Variants in ATXN2L observed in about 807,000 individuals in gnomAD.
ATXN2L encodes ataxin 2 like, also known as ataxin-2-like protein.
ATXN2L carries 24 observed loss-of-function variants against 120.7 expected under a neutral mutation model. The ratio of observed to expected loss-of-function variants is 0.20; its 90% CI spans 0.14 to 0.28. The LOEUF (loss-of-function observed/expected upper bound fraction) is 0.28, where lower values mean the gene tolerates loss of function less well. Ranked by LOEUF, ATXN2L falls within the 10% of genes least tolerant of loss-of-function variation. ATXN2L has a pLI of 1.00. For synonymous variants in ATXN2L, 653 were observed against 568.1 expected, an observed-to-expected ratio of 1.15 and a Z score of -2.13; for missense variants, 1,312 against 1,432.3, an observed-to-expected ratio of 0.92 and a Z score of 1.36.
intron 6 of ATXN2L, among the ~76,000 whole-genome samples, 200 bp downstream of exon 6, chr16:28,827,186 C>G (rs963220297): frequency 6.6e-6 from 1 of 152,206 alleles, no homozygotes; most frequent in African/African-American, 2.4e-5. Flanking sequence ...GTAATCCCAG[C>G]ACTTTGGGAG....
chr16:28,829,974 A>G lies in ATXN2L; in HGVS notation c.950A>G (p.Asn317Ser). Residue 317 changes from asparagine to serine, a missense_variant, in exon 8 of 22, where the codon AAC becomes AGC. By Grantham distance (46) the Asn-to-Ser change is conservative (BLOSUM62 1). Coordinates refer to ENST00000336783, the MANE Select transcript of ATXN2L (RefSeq NM_007245.4). ...TACCGCCTACGGATCGCCATGGAGA[A>G]CGACGATGGGCGCACTGAAGAGGAG... The part of the protein sequence containing the change: ...PQYRLRIAME[N>S]DDGRTEEEKH... The G allele has an allele frequency of 1.9e-6, 3 of 1,614,206 alleles. No homozygotes were observed. The highest frequency in any genetic ancestry group is 2.5e-6 in the Non-Finnish European group (3 of 1,180,038).
Position 28,835,299 on chromosome 16 carries a change from C to A in ATXN2L, c.2585C>A (p.Pro862Gln). 6.2e-7 allele frequency: 1 copy of A among 1,613,874 alleles called. No individual in the cohort carries two copies. The highest frequency in any genetic ancestry group is 8.5e-7 in the Non-Finnish European group (1 of 1,179,982). The part of the protein sequence containing the change: ...ALYATVHQSY[P>Q]HHATQLHAHQ... ...GCAGCCACTGTTCACCAGTCCTACCCACACCATGCCACACAGCTCCATGCC... is the reference window on the plus strand; with the variant it reads ...GCAGCCACTGTTCACCAGTCCTACCAACACCATGCCACACAGCTCCATGCC... Residue 862 changes from proline (P) to glutamine (Q), a missense_variant, in exon 20 of 22, where the codon CCA becomes CAA. Coordinates refer to ENST00000336783, the MANE Select transcript of ATXN2L (RefSeq NM_007245.4).
rs1041603787 is a variant in ATXN2L at position 28,832,843 on chromosome 16, C to G, written c.1615C>G (p.Arg539Gly). Residue 539 changes from arginine (R) to glycine (G), a missense_variant, in exon 13 of 22, where the codon CGA becomes GGA. Coordinates refer to ENST00000336783, the MANE Select transcript of ATXN2L (RefSeq NM_007245.4). ...CCCTGGTCTTCAGAATGAACAGAAA[C>G]GATTCCAACTGGAAGAACTGAGAAA... ...KVPGLQNEQKRFQLEELRKFG... is the reference protein window; with the variant it reads ...KVPGLQNEQKGFQLEELRKFG... 6.2e-7 allele frequency: 1 copy of G among 1,614,080 alleles called. No homozygotes were observed. Among genetic ancestry groups the G allele is most frequent in the Admixed American group, 1.7e-5 (1 of 60,012 alleles).
chr16:28,828,155 C>T (rs185011307), intron 6 of ATXN2L, among the ~76,000 whole-genome samples: 5 of 152,254 alleles, frequency 3.3e-5, no homozygotes, highest in Admixed American at 2.0e-4. Context: ...TAGTACCTTG[C>T]TGGACTTTTA....
chr16:28,829,419 A>T lies in ATXN2L; in HGVS notation c.760A>T (p.Asn254Tyr). 6.2e-7 allele frequency: 1 copy of T among 1,613,176 alleles called. No individual in the cohort carries two copies. The highest frequency in any genetic ancestry group is 8.5e-7 in the Non-Finnish European group (1 of 1,179,170). Residue 254 changes from asparagine (N) to tyrosine (Y), a missense_variant, in exon 7 of 22, where the codon AAT becomes TAT. Physicochemically the swap from Asn to Tyr is moderately radical, Grantham distance 143 (BLOSUM62 -2). Transcript: ENST00000336783. ...ESDMSNGWDP[N>Y]EMFKFNEENY... ...TCCCCAGTCCAATGGATGGGACCCC[A>T]ATGAAATGTTCAAGTTCAATGAGGA... is the stretch of plus-strand genomic sequence containing the variant.
rs368508890 is a variant in ATXN2L, at chr16:28,831,046, A to G, written c.1295A>G (p.Glu432Gly). ...TCGCCCAGTAATAGGCCTTCTGGAG[A>G]AACTTCTGTTCCACCTCCTCCTGCA... ...LSSPSNRPSGETSVPPPPAVG... is the reference protein window; with the variant it reads ...LSSPSNRPSGGTSVPPPPAVG... Residue 432 changes from glutamate to glycine, a missense_variant, in exon 10 of 22, where the codon GAA becomes GGA. Physicochemically the swap from Glu to Gly is moderately conservative, Grantham distance 98. Transcript: ENST00000336783. 38 of 1,610,682 alleles carry G rather than the reference A, an allele frequency of 2.4e-5. No individual in the cohort carries two copies. Among genetic ancestry groups the G allele is most frequent in the Non-Finnish European group, 3.1e-5 (36 of 1,178,942 alleles).
chr16:28,823,247 G>A lies in ATXN2L; in HGVS notation c.-13G>A. 1 of 1,422,346 alleles carries A rather than the reference G, an allele frequency of 7.0e-7. No individual in the cohort carries two copies. Among genetic ancestry groups the A allele is most frequent in the South Asian group, 1.5e-5 (1 of 66,348 alleles). The allele number at this position is 1,422,346 out of a possible 1,614,324, so 88.1% of individuals were successfully genotyped here. On this transcript the variant is annotated 5_prime_UTR_variant, in exon 1 of 22. Transcript: ENST00000336783. ...CTCCCTTCTCTCTAATTCCCCTTCC[G>A]GACGCTGCCATCATGTTGAAGCCTC... is the stretch of plus-strand genomic sequence containing the variant.
At chr16:28,829,529 G>A (rs2053576055) in intron 7 of ATXN2L, 37 bp downstream of exon 7, 3 of 1,422,046 alleles carry the variant, frequency 2.1e-6, no homozygotes, top group South Asian at 2.3e-5. Context: ...ATGTGTTGGT[G>A]ATATGGGGTC....
intron 10 of ATXN2L, 54 bp downstream of exon 10, chr16:28,831,126 G>A: frequency 1.6e-6 from 2 of 1,213,132 alleles, no homozygotes; most frequent in East Asian, 2.5e-5. Context: ...GTAAAGAGAT[G>A]TAAATATGTC....
Position 28,825,793 on chromosome 16 carries a change from G to A in ATXN2L, c.417G>A (p.Val139=). The A allele has an allele frequency of 6.2e-7, 1 of 1,614,086 alleles. No homozygotes were observed. The highest frequency in any genetic ancestry group is 8.5e-7 in the Non-Finnish European group (1 of 1,179,978). Residue 139 remains valine, a synonymous_variant, in exon 4 of 22, where the codon GTG becomes GTA. Coordinates refer to ENST00000336783, the MANE Select transcript of ATXN2L (RefSeq NM_007245.4). ...AGGGCTCCACTTGTGATGTAAAGGT[G>A]AAAAATGGTACCACTTATGAGGGTA... is the stretch of plus-strand genomic sequence containing the variant. ...AVVGSTCDVK[V]KNGTTYEGIF... is the part of the protein sequence containing the mutation.
chr16:28,823,460 C>T lies in ATXN2L; in HGVS notation c.201C>T (p.Ser67=), dbSNP rs1048607919. 7.0e-5 allele frequency: 93 copies of T among 1,332,762 alleles called. No individual in the cohort carries two copies. Among genetic ancestry groups the T allele is most frequent in the Non-Finnish European group, 8.6e-5 (90 of 1,047,476 alleles). The allele number at this position is 1,332,762 out of a possible 1,614,324, so 82.6% of individuals were successfully genotyped here. ...TGGGGCCTGTGGCCGCTGCCGGGAG[C>T]GGGCTCCGCCGGGGAGCCGAAGGCA... The part of the protein sequence containing the change: ...PCLGPVAAAG[S]GLRRGAEGIL... The change falls in exon 1 of 22, where the codon AGC becomes AGT. Residue 67 remains serine (S), a synonymous_variant. Transcript: ENST00000336783.
At chr16:28,825,577 T>G (rs1367716561) in intron 2 of ATXN2L, 47 bp from the exon 3 acceptor site, 1 of 1,588,672 alleles carries the variant, frequency 6.3e-7, no homozygotes, top group Non-Finnish European at 8.6e-7. Context: ...GAAAATGAGG[T>G]GTTGACTGAT....
chr16:28,832,598 A>C, intron 12 of ATXN2L, 31 bp downstream of exon 12: 1 of 1,603,154 alleles, frequency 6.2e-7, no homozygotes, highest in Non-Finnish European at 8.5e-7. Flanking sequence ...GCTGAGGATT[A>C]ATGCTCCTTT....
intron 1 of ATXN2L, chr16:28,824,388 G>T (rs1395660462): frequency 5.6e-6 from 7 of 1,258,560 alleles, no homozygotes; most frequent in South Asian, 5.2e-5. Flanking sequence ...GTGGGTTTTA[G>T]TGCGCAGGCG....
rs1381996493 is a variant in ATXN2L at position 28,829,393 on chromosome 16, C to T, written c.742-8C>T. 1 of 1,603,918 alleles carries T rather than the reference C, an allele frequency of 6.2e-7. No individual in the cohort carries two copies. ...CTGGGTTTTAAAACCACCTTCCTCCCTCCCCAGTCCAATGGATGGGACCCC... is the reference window on the plus strand; with the variant it reads ...CTGGGTTTTAAAACCACCTTCCTCCTTCCCCAGTCCAATGGATGGGACCCC... On this transcript the variant is annotated splice_polypyrimidine_tract_variant and splice_region_variant and intron_variant, in intron 6 of 21. Transcript: ENST00000336783.
chr16:28,824,928 G>A (rs767100165), intron 1 of ATXN2L, among the ~76,000 whole-genome samples: 1 of 151,926 alleles, frequency 6.6e-6, no homozygotes, highest in Non-Finnish European at 1.5e-5. Context: ...TTATTTATTG[G>A]CCGGGCGCAG....
At chr16:28,833,941 T>C in intron 15 of ATXN2L, 124 bp from the exon 16 acceptor site, 1 of 1,141,602 alleles carries the variant, frequency 8.8e-7, no homozygotes, top group Non-Finnish European at 1.3e-6. Context: ...TGAGGCTTTA[T>C]CAAGATAAGT....
chr16:28,824,146 C>A (rs1014392195), intron 1 of ATXN2L: 5 of 1,023,888 alleles, frequency 4.9e-6, no homozygotes, highest in Non-Finnish European at 2.4e-6. Flanking sequence ...GCGCCCCCTT[C>A]CCGTACGTGC....
At chr16:28,826,217 T>C (rs760916383) in intron 4 of ATXN2L, 23 bp from the exon 5 acceptor site, 28 of 1,611,776 alleles carry the variant, frequency 1.7e-5, no homozygotes, top group Admixed American at 6.7e-5. Context: ...GACCCATGGG[T>C]GTGGGGAATG....
Sources: allele counts gnomAD v4.1 joint callset (sites outside exome capture counted in the v4.1 genomes callset), GRCh38; gene constraint gnomAD v4.1.1; transcripts MANE v1.5; gene names NCBI Gene and HGNC (gene_info 2026-07-23, HGNC 2026-07-21).